Variants in CEP83 observed in about 807,000 individuals in gnomAD.
CEP83 encodes the protein centrosomal protein of 83 kDa.
In CEP83, 70 loss-of-function variants were observed where a neutral mutation model predicts 101.9. The ratio of observed to expected loss-of-function variants is 0.69; its 90% CI spans 0.57 to 0.84. The LOEUF (loss-of-function observed/expected upper bound fraction) is 0.84. Ranked by LOEUF, CEP83 falls within the 40% of genes least tolerant of loss-of-function variation. The pLI is 0.00. For synonymous variants in CEP83, 264 were observed against 267.9 expected (o/e 0.99, Z 0.14); for missense variants, 715 against 787.2 (o/e 0.91, Z 1.10).
At chr12:94,419,792 G>A (rs1219194782) in intron 2 of CEP83, among the ~76,000 whole-genome samples, 1 of 151,970 alleles carries the variant, frequency 6.6e-6, no homozygotes, top group Non-Finnish European at 1.5e-5. Context: ...AGATAACCTT[G>A]TAGAAAAAAA....
intron 8 of CEP83, among the ~76,000 whole-genome samples, chr12:94,370,366 CTT>C (rs1351727100): frequency 2.0e-5 from 3 of 152,184 alleles, no homozygotes; most frequent in Admixed American, 1.3e-4. Flanking sequence ...AACCCTGAAA[CTT>C]TTAAAATTTG....
At chr12:94,435,912 T>C (rs1218299418) in intron 1 of CEP83, among the ~76,000 whole-genome samples, 4 of 152,062 alleles carry the variant, frequency 2.6e-5, no homozygotes, top group African/African-American at 7.2e-5. Context: ...ACAAGACAAC[T>C]TGCAGACATT....
chr12:94,390,596 G>C (rs959745460), intron 6 of CEP83, among the ~76,000 whole-genome samples: 3 of 152,226 alleles, frequency 2.0e-5, no homozygotes, highest in African/African-American at 7.2e-5. Flanking sequence ...CTCCTCGCCA[G>C]CAATGGAATA....
At chr12:94,373,698 T>C (rs182106410) in intron 8 of CEP83, among the ~76,000 whole-genome samples, 294 of 152,318 alleles carry the variant, frequency 1.9e-3, no homozygotes, top group African/African-American at 6.8e-3. Flanking sequence ...CCATCTTTGG[T>C]AATACCTTTT....
chr12:94,295,750 T>G, the CEP83 span, among the ~76,000 whole-genome samples: 1 of 152,158 alleles, frequency 6.6e-6, no homozygotes, highest in Admixed American at 6.5e-5. Flanking sequence ...TATAAGTTCA[T>G]GGTACCCAAC....
chr12:94,306,681 C>T (rs1012621200), downstream of CEP83: 1 of 152,104 alleles, frequency 6.6e-6, no homozygotes, highest in African/African-American at 2.4e-5. Context: ...TCCTTGAAAT[C>T]ATTTACCAAC....
At chr12:94,423,716 A>G (rs1474001616) in intron 2 of CEP83, 19 of 1,609,222 alleles carry the variant, frequency 1.2e-5, no homozygotes, top group East Asian at 2.2e-5. Flanking sequence ...ATTTCTACTC[A>G]GTAAAGATGG....
At chr12:94,434,285 A>G (rs888367755) in intron 2 of CEP83, among the ~76,000 whole-genome samples, 44 of 152,238 alleles carry the variant, frequency 2.9e-4, no homozygotes, top group African/African-American at 1.0e-3. Context: ...CAACTAAAAA[A>G]TAAGAGATAT....
the CEP83 span, among the ~76,000 whole-genome samples, chr12:94,275,313 A>G: frequency 1.3e-5 from 2 of 152,250 alleles, no homozygotes; most frequent in Admixed American, 1.3e-4. Context: ...TAAATAGGGC[A>G]GGAGAACATG....
chr12:94,334,592 T>C (rs985606333), intron 12 of CEP83, among the ~76,000 whole-genome samples: 1 of 152,088 alleles, frequency 6.6e-6, no homozygotes, highest in Admixed American at 6.6e-5. Context: ...TATTATGAGA[T>C]TCAAGGGTAA....
At chr12:94,457,889 C>G (rs1044135038) in intron 1 of CEP83, among the ~76,000 whole-genome samples, 7 of 152,038 alleles carry the variant, frequency 4.6e-5, no homozygotes, top group African/African-American at 1.4e-4. Flanking sequence ...ACTGGTAAAC[C>G]AAGGATTAAA....
chr12:94,312,390 T>G (rs1308233212), intron 15 of CEP83, among the ~76,000 whole-genome samples: 1 of 152,172 alleles, frequency 6.6e-6, no homozygotes, highest in African/African-American at 2.4e-5. Context: ...ATTCACTAAA[T>G]TAAAAAGATT....
intron 1 of CEP83, among the ~76,000 whole-genome samples, chr12:94,449,628 C>T (rs2067084798): frequency 6.7e-6 from 1 of 149,416 alleles, no homozygotes; most frequent in South Asian, 2.1e-4. Flanking sequence ...AGAAAAATAG[C>T]CAGGTGTGGT....
chr12:94,435,230 C>A (rs1205952058), intron 2 of CEP83, 45 bp downstream of exon 2: 1 of 152,168 alleles, frequency 6.6e-6, no homozygotes, highest in African/African-American at 2.4e-5. Flanking sequence ...AAATATGGCA[C>A]CTTGGCATTT....
intron 2 of CEP83, among the ~76,000 whole-genome samples, chr12:94,414,803 T>C (rs1376093832): frequency 6.6e-6 from 1 of 152,170 alleles, no homozygotes; most frequent in African/African-American, 2.4e-5. Flanking sequence ...AAAATTATTC[T>C]GTGGAAAAAA....
intron 1 of CEP83, among the ~76,000 whole-genome samples, chr12:94,444,735 T>C (rs573031910): frequency 6.2e-4 from 94 of 151,966 alleles, no homozygotes; most frequent in African/African-American, 2.1e-3. Flanking sequence ...TGGTGGCTCA[T>C]GCCCGTAATC....
intron 8 of CEP83, among the ~76,000 whole-genome samples, chr12:94,372,223 C>T (rs1044013696): frequency 6.6e-6 from 1 of 152,046 alleles, no homozygotes; most frequent in Admixed American, 6.6e-5. Flanking sequence ...CCATCCGCCT[C>T]GGCCTTCCAA....
intron 1 of CEP83, among the ~76,000 whole-genome samples, chr12:94,449,162 TTAGA>T (rs2067034236): frequency 6.6e-6 from 1 of 152,012 alleles, no homozygotes; most frequent in Non-Finnish European, 1.5e-5. Context: ...TATCAACAAA[TTAGA>T]TAATTTATAT....
the CEP83 span, chr12:94,297,442 G>T: frequency 1.9e-6 from 3 of 1,558,390 alleles, no homozygotes; most frequent in East Asian, 2.3e-5. Context: ...ACTGTTCTGG[G>T]AGCACTTTAT....
Sources: allele counts gnomAD v4.1 joint callset (sites outside exome capture counted in the v4.1 genomes callset), GRCh38; gene constraint gnomAD v4.1.1; transcripts MANE v1.5; gene names NCBI Gene and HGNC (gene_info 2026-07-23, HGNC 2026-07-21).